OR2L13: variants seen among roughly 807,000 people sequenced by gnomAD.
The protein encoded by OR2L13 is olfactory receptor family 2 subfamily L member 13.
A neutral mutation model predicts 15.3 loss-of-function variants in OR2L13; 14 were observed. The observed-to-expected ratio is 0.91, with a 90% confidence interval of 0.60 to 1.43. The LOEUF is 1.43. Among genes scored for constraint, OR2L13 ranks in the 40% most tolerant of loss-of-function variants. OR2L13 has a pLI of 0.00. For synonymous variants in OR2L13, 152 were observed against 142.9 expected (o/e 1.06, Z -0.45); for missense variants, 367 against 387.9 (o/e 0.95, Z 0.45).
the OR2L13 span, chr1:248,021,966 A>G: frequency 1.2e-6 from 2 of 1,613,144 alleles, no homozygotes; most frequent in Non-Finnish European, 1.7e-6. Flanking sequence ...TTACAATCAA[A>G]CGTCAACTGA....
At chr1:247,950,981 G>T in the OR2L13 span, among the ~76,000 whole-genome samples, 1,986 of 152,158 alleles carry the variant, frequency 0.013, 34 homozygotes, top group African/African-American at 0.044. Context: ...CAATTACCCT[G>T]ATTTGATCAT....
the OR2L13 span, among the ~76,000 whole-genome samples, chr1:247,945,566 T>G: frequency 0.011 from 1,612 of 152,256 alleles, 22 homozygotes; most frequent in African/African-American, 0.037. Flanking sequence ...GTTAATTCTC[T>G]GGCTCAAGAT....
At chr1:248,078,811 CAT>C in the OR2L13 span, among the ~76,000 whole-genome samples, 2 of 152,020 alleles carry the variant, frequency 1.3e-5, no homozygotes, top group Non-Finnish European at 2.9e-5. Context: ...ATTATTGACA[CAT>C]ATGATAACTT....
the OR2L13 span, among the ~76,000 whole-genome samples, chr1:248,052,032 A>G: frequency 6.6e-6 from 1 of 152,128 alleles, no homozygotes; most frequent in Admixed American, 6.5e-5. Flanking sequence ...ATTTTTACTT[A>G]CAATTTTTTC....
chr1:248,015,813 G>A, the OR2L13 span, among the ~76,000 whole-genome samples: 1 of 152,098 alleles, frequency 6.6e-6, no homozygotes, highest in Non-Finnish European at 1.5e-5. Flanking sequence ...CTATGCAAAT[G>A]ATCATACCAA....
chr1:248,010,509 A>AAT, the OR2L13 span, among the ~76,000 whole-genome samples: 6 of 152,040 alleles, frequency 3.9e-5, no homozygotes, highest in African/African-American at 9.7e-5. Flanking sequence ...TGCTCTCTCT[A>AAT]ATATTGACAA....
the OR2L13 span, among the ~76,000 whole-genome samples, chr1:247,948,426 C>G: frequency 6.6e-6 from 1 of 151,994 alleles, no homozygotes; most frequent in Non-Finnish European, 1.5e-5. Context: ...AGGTATCTTT[C>G]TTATAAATTT....
At chr1:248,085,404 A>G in the OR2L13 span, among the ~76,000 whole-genome samples, 4 of 90,336 alleles carry the variant, frequency 4.4e-5, no homozygotes, top group South Asian at 1.7e-3. Context: ...ATAAAATAAT[A>G]AAATAAAATA....
upstream of OR2L13, among the ~76,000 whole-genome samples, chr1:248,096,305 C>T (rs1664739923): frequency 6.6e-6 from 1 of 151,776 alleles, no homozygotes; most frequent in Non-Finnish European, 1.5e-5. Flanking sequence ...AGGGCGTGAA[C>T]CCGGGAGGCG....
At chr1:248,085,223 CT>C in the OR2L13 span, among the ~76,000 whole-genome samples, 1 of 151,632 alleles carries the variant, frequency 6.6e-6, no homozygotes, top group African/African-American at 2.4e-5. Context: ...TCCATTATAA[CT>C]TTAAACCACC....
At chr1:248,084,739 A>G in the OR2L13 span, 5 of 1,289,422 alleles carry the variant, frequency 3.9e-6, no homozygotes, top group Non-Finnish European at 4.3e-6. Flanking sequence ...TTCATCTCAG[A>G]CACAGATGGT....
the OR2L13 span, among the ~76,000 whole-genome samples, chr1:248,076,291 G>A: frequency 1.3e-5 from 2 of 152,162 alleles, no homozygotes; most frequent in Non-Finnish European, 2.9e-5. Context: ...GATGCCTCCA[G>A]CTTTGTTCTT....
chr1:248,071,325 T>G, the OR2L13 span, among the ~76,000 whole-genome samples: 1 of 151,608 alleles, frequency 6.6e-6, no homozygotes, highest in East Asian at 1.9e-4. Flanking sequence ...CTTCAATATA[T>G]GCAAATCAAT....
At chr1:248,082,056 G>A in the OR2L13 span, among the ~76,000 whole-genome samples, 22 of 150,912 alleles carry the variant, frequency 1.5e-4, no homozygotes, top group African/African-American at 3.9e-4. Flanking sequence ...TGTTTATTGC[G>A]GCATTATTCA....
chr1:248,077,541 A>C, the OR2L13 span, among the ~76,000 whole-genome samples: 1 of 152,296 alleles, frequency 6.6e-6, no homozygotes, highest in East Asian at 1.9e-4. Flanking sequence ...CTATTCAGAA[A>C]TTCACCTTCT....
chr1:248,068,323 C>A, the OR2L13 span, among the ~76,000 whole-genome samples: 2 of 152,042 alleles, frequency 1.3e-5, no homozygotes, highest in African/African-American at 4.8e-5. Flanking sequence ...GATCAGACAG[C>A]AGTATTCGCG....
At chr1:247,940,363 G>A in the OR2L13 span, among the ~76,000 whole-genome samples, 1 of 151,986 alleles carries the variant, frequency 6.6e-6, no homozygotes, top group Non-Finnish European at 1.5e-5. Context: ...TTATTAATAG[G>A]AAAAACTAGA....
the OR2L13 span, among the ~76,000 whole-genome samples, chr1:248,025,743 T>C: frequency 6.6e-6 from 1 of 151,172 alleles, no homozygotes; most frequent in African/African-American, 2.5e-5. Context: ...ATGTGGCACA[T>C]ATACACCATG....
the OR2L13 span, among the ~76,000 whole-genome samples, chr1:248,032,622 G>T: frequency 6.6e-6 from 1 of 152,026 alleles, no homozygotes; most frequent in African/African-American, 2.4e-5. Flanking sequence ...GCCTGTTTCT[G>T]GCTTATTTTG....
Sources: allele counts gnomAD v4.1 joint callset (sites outside exome capture counted in the v4.1 genomes callset), GRCh38; gene constraint gnomAD v4.1.1; transcripts MANE v1.5; gene names NCBI Gene and HGNC (gene_info 2026-07-23, HGNC 2026-07-21).